The following USP5 variants were observed in gnomAD, a reference collection of about 807,000 sequenced individuals.
USP5 encodes the protein ubiquitin carboxyl-terminal hydrolase 5.
Under a neutral mutation model 102.5 loss-of-function variants are expected in USP5, and 24 were observed. That is an observed-to-expected ratio of 0.23 (90% CI 0.17 to 0.33). USP5 has a LOEUF of 0.33. Among genes scored for constraint, USP5 ranks in the 10% least tolerant of loss-of-function variants. The pLI is 1.00. For synonymous variants in USP5, 460 were observed against 434.8 expected (o/e 1.06, Z -0.72); for missense variants, 753 against 1,122.1 (o/e 0.67, Z 4.70).
At chr12:6,859,206 T>C (rs139973208) in intron 8 of USP5, among the ~76,000 whole-genome samples, 1 of 152,308 alleles carries the variant, frequency 6.6e-6, no homozygotes, top group East Asian at 1.9e-4. Context: ...TTCTGTCCAA[T>C]AGAACGTGAA....
At chr12:6,853,998 C>T (rs1365499441) in intron 1 of USP5, among the ~76,000 whole-genome samples, 1 of 152,186 alleles carries the variant, frequency 6.6e-6, no homozygotes, top group African/African-American at 2.4e-5. Flanking sequence ...TTGCTCAAAG[C>T]CTTGGATCTG....
chr12:6,861,655 T>C lies in USP5; in HGVS notation c.1673+38T>C. The C allele has an allele frequency of 2.7e-6, 4 of 1,475,328 alleles. 1 individual carries two copies. In the South Asian group the frequency reaches 5.4e-5, roughly 20 times the overall value. The allele number at this position is 1,475,328 out of a possible 1,614,324, so 91.4% of individuals were successfully genotyped here. A position where few individuals can be genotyped will look rare whatever the true frequency, so the allele number is the denominator to read the frequency against. On this transcript the variant is annotated intron_variant, in intron 13 of 19. Transcript: ENST00000229268. The surrounding 1 kb of genome is among the most constrained non-coding windows in gnomAD (Gnocchi z 4.9). ...GTCGGGGCCTGAGGCTGTGGGTCTA[T>C]GGCAGAGCTATCCCAGAGGATACTT...
chr12:6,854,757 AAAT>A (rs1173325928), intron 1 of USP5, among the ~76,000 whole-genome samples: 8 of 151,758 alleles, frequency 5.3e-5, no homozygotes, highest in African/African-American at 1.9e-4. Context: ...AGTGTCTCTA[AAAT>A]AAAATTTTTT....
intron 1 of USP5, 77 bp downstream of exon 1, chr12:6,852,367 C>T (rs1555127091): frequency 6.4e-6 from 9 of 1,412,300 alleles, no homozygotes; most frequent in Non-Finnish European, 8.8e-6. Context: ...GCCTGCAAGG[C>T]TTGGGCTACC....
rs1343583120 is a variant in USP5, at chr12:6,864,613, C to T, written c.2245-109C>T. The stretch of plus-strand genomic sequence containing the variant: ...CTGAGGCAGGAGAAAGGCGTGAACC[C>T]GGGAGGCGGAGCTTGCAGTGAGCCG... On this transcript the variant is annotated intron_variant, in intron 17 of 19. Coordinates refer to ENST00000229268, the MANE Select transcript of USP5 (RefSeq NM_001098536.2). The surrounding 1 kb of genome is among the most constrained non-coding windows in gnomAD (Gnocchi z 4.8). 24 of 1,273,316 alleles carry T rather than the reference C, an allele frequency of 1.9e-5. No homozygotes were observed. In the East Asian group the frequency reaches 3.9e-4, roughly 21 times the overall value. 78.9% of individuals were successfully genotyped at this position (1,273,316 alleles called of 1,614,324 possible).
intron 18 of USP5, 66 bp from the exon 19 acceptor site, chr12:6,865,098 T>C: frequency 1.4e-6 from 2 of 1,450,276 alleles, no homozygotes; most frequent in African/African-American, 1.4e-5. Context: ...GTTGTCTGGA[T>C]CTTTGGGCCA....
At chr12:6,854,276 G>A (rs1445603288) in intron 1 of USP5, among the ~76,000 whole-genome samples, 2 of 152,192 alleles carry the variant, frequency 1.3e-5, no homozygotes, top group African/African-American at 4.8e-5. Context: ...TCGGAGGGGA[G>A]GCAGAGGAGA....
Position 6,858,196 on chromosome 12 carries a change from A to T in USP5, c.865-228A>T, listed in dbSNP as rs1752356519. Among the ~76,000 whole-genome samples the T allele has an allele frequency of 6.6e-6, 1 of 152,212 alleles. No individual in the cohort carries two copies. The highest frequency in any genetic ancestry group is 6.5e-5 in the Admixed American group (1 of 15,284). On this transcript the variant is annotated intron_variant, in intron 7 of 19. Transcript: ENST00000229268. This position sits in a 1 kb window ranked among gnomAD's most constrained non-coding sequence, Gnocchi z 4.2. ...AACATTTCAGGTAGAAGGAAATTTTATTCCTCATTCAAGCAGAGGCCCTGA... is the reference window on the plus strand; with the variant it reads ...AACATTTCAGGTAGAAGGAAATTTTTTTCCTCATTCAAGCAGAGGCCCTGA...
chr12:6,864,729 G>T lies in USP5; in HGVS notation c.2252G>T (p.Ser751Ile). The T allele has an allele frequency of 6.2e-7, 1 of 1,609,402 alleles. No individual in the cohort carries two copies. Among genetic ancestry groups the T allele is most frequent in the Non-Finnish European group, 8.5e-7 (1 of 1,179,914 alleles). ...ALKALRATNN[S>I]LERAVDWIFS... ...GCTTCCTTCCTCTCCAAGAACAATA[G>T]TTTAGAACGGGCTGTGGACTGGATC... The change falls in exon 18 of 20, where the codon AGT (serine) becomes ATT (isoleucine). Residue 751 changes from serine (S) to isoleucine (I), a missense_variant. Physicochemically the swap from Ser to Ile is moderately radical, Grantham distance 142. Around this residue, in one of 3 missense-constraint regions of USP5, gnomAD observed 193 missense variants for 230.2 expected, o/e 0.84. Transcript: ENST00000229268. This position sits in a 1 kb window ranked among gnomAD's most constrained non-coding sequence, Gnocchi z 4.8.
rs1555130214 is a variant in USP5 at position 6,864,162 on chromosome 12, C to T, written c.2211C>T (p.Ser737=). ...CVTTIVSMGF[S]RDQALKALRA... is the part of the protein sequence containing the mutation. ...CCACCATTGTCTCCATGGGCTTCTC[C>T]CGGGACCAGGCCTTGAAAGCGCTGC... Residue 737 remains serine (S), a synonymous_variant, in exon 17 of 20, where the codon TCC becomes TCT. Coordinates refer to ENST00000229268, the MANE Select transcript of USP5 (RefSeq NM_001098536.2). The surrounding 1 kb of genome is among the most constrained non-coding windows in gnomAD (Gnocchi z 4.8). 1 of 1,613,256 alleles carries T rather than the reference C, an allele frequency of 6.2e-7. No individual in the cohort carries two copies. Among genetic ancestry groups the T allele is most frequent in the Admixed American group, 1.7e-5 (1 of 59,910 alleles).
rs782071221 is a variant in USP5 at position 6,855,256 on chromosome 12, A to G, written c.112-145A>G. On this transcript the variant is annotated intron_variant, in intron 1 of 19. Transcript: ENST00000229268. The surrounding 1 kb of genome is among the most constrained non-coding windows in gnomAD (Gnocchi z 4.6). The stretch of plus-strand genomic sequence containing the variant: ...GCTATGTCCCAGGTCCTAAAAGGCT[A>G]AATAACTTGCCAAGGGCCACACAGT... 3.6e-6 allele frequency: 4 copies of G among 1,117,696 alleles called. No homozygotes were observed. Among genetic ancestry groups the G allele is most frequent in the South Asian group, 3.2e-5 (2 of 62,636 alleles). 69.2% of individuals were successfully genotyped at this position (1,117,696 alleles called of 1,614,324 possible). A position where few individuals can be genotyped will look rare whatever the true frequency, so the allele number is the denominator to read the frequency against.
intron 19 of USP5, among the ~76,000 whole-genome samples, chr12:6,865,778 G>A (rs1200089171): frequency 2.0e-5 from 3 of 152,200 alleles, no homozygotes; most frequent in African/African-American, 7.2e-5. Flanking sequence ...GGTTGTAAAG[G>A]TACTGGAGGA....
chr12:6,859,365 C>G (rs1944207411), intron 8 of USP5, 105 bp from the exon 9 acceptor site: 3 of 1,176,596 alleles, frequency 2.5e-6, no homozygotes, highest in African/African-American at 3.0e-5. Context: ...CAACTCCCCA[C>G]TCTTGAGGGG....
At position 6,856,244 on chromosome 12, in the gene USP5, G is replaced by A. The variant is rs115270213; in HGVS notation, c.439-61G>A. 1,498 of 1,604,804 alleles carry A rather than the reference G, an allele frequency of 9.3e-4. 5 individuals are homozygous for A. Among genetic ancestry groups the A allele is most frequent in the African/African-American group, 7.7e-3 (577 of 74,878 alleles). On this transcript the variant is annotated intron_variant, in intron 4 of 19. Transcript: ENST00000229268. This position sits in a 1 kb window ranked among gnomAD's most constrained non-coding sequence, Gnocchi z 5.6. Reference sequence around the variant, plus strand: ...AGCACTGACAAAGCTGAAGGCCAAGGGGAAGAGGGGCATGTGGGGCAGGGG... The same window carrying A: ...AGCACTGACAAAGCTGAAGGCCAAGAGGAAGAGGGGCATGTGGGGCAGGGG...
Position 6,864,020 on chromosome 12 carries a change from C to A in USP5, c.2099-30C>A. ...GGTGGGGCAGGGCCTCCATCCTCCC[C>A]CAAACACATCAACCCCTTCACATCC... On this transcript the variant is annotated intron_variant, in intron 16 of 19. Transcript: ENST00000229268. This position sits in a 1 kb window ranked among gnomAD's most constrained non-coding sequence, Gnocchi z 4.8. The A allele has an allele frequency of 1.9e-6, 3 of 1,585,422 alleles. No homozygotes were observed. The Admixed American group carries it at 5.2e-5, about 27-fold the overall frequency.
Position 6,864,896 on chromosome 12 carries a change from G to C in USP5, c.2398+21G>C, listed in dbSNP as rs782783252. ...TGGAAGTGAGTATCCCCAGGAAGCA[G>C]GACAGGCCTGGTGGAATCTGGTCAG... On this transcript the variant is annotated intron_variant, in intron 18 of 19. Transcript: ENST00000229268. The surrounding 1 kb of genome is among the most constrained non-coding windows in gnomAD (Gnocchi z 4.8). The C allele has an allele frequency of 6.2e-7, 1 of 1,608,566 alleles. No individual in the cohort carries two copies. The highest frequency in any genetic ancestry group is 2.2e-5 in the East Asian group (1 of 44,782).
rs1555129494 is a variant in USP5, at chr12:6,861,368, G to A, written c.1499-75G>A. The A allele has an allele frequency of 6.8e-6, 10 of 1,476,070 alleles. No homozygotes were observed. Among genetic ancestry groups the A allele is most frequent in the Non-Finnish European group, 9.1e-7 (1 of 1,096,960 alleles). The allele number at this position is 1,476,070 out of a possible 1,614,324, so 91.4% of individuals were successfully genotyped here. A position where few individuals can be genotyped will look rare whatever the true frequency, so the allele number is the denominator to read the frequency against. ...GTAGAGGAACTGAAATACGGACACA[G>A]AGCCAGTAGGGAGAGGCTAAGGAGG... On this transcript the variant is annotated intron_variant, in intron 12 of 19. Transcript: ENST00000229268. The surrounding 1 kb of genome is among the most constrained non-coding windows in gnomAD (Gnocchi z 4.9).
Position 6,863,407 on chromosome 12 carries a change from C to G in USP5, c.1954+30C>G. The G allele has an allele frequency of 6.2e-7, 1 of 1,601,426 alleles. No individual in the cohort carries two copies. The highest frequency in any genetic ancestry group is 8.5e-7 in the Non-Finnish European group (1 of 1,171,974). On this transcript the variant is annotated intron_variant, in intron 15 of 19. Coordinates refer to ENST00000229268, the MANE Select transcript of USP5 (RefSeq NM_001098536.2). The surrounding 1 kb of genome is among the most constrained non-coding windows in gnomAD (Gnocchi z 4.7). ...GTGACTCTTCTTCCTGCCTGTCTCT[C>G]TCCCGTGCTGATGGGGGCCTCTCTG...
chr12:6,865,306 A>ATT, intron 19 of USP5, 58 bp downstream of exon 19: 1 of 1,495,936 alleles, frequency 6.7e-7, no homozygotes, highest in Non-Finnish European at 9.3e-7. Context: ...GAGGAGGGCC[A>ATT]TTTGGAAGTC....
Sources: allele counts gnomAD v4.1 joint callset (sites outside exome capture counted in the v4.1 genomes callset), GRCh38; gene constraint gnomAD v4.1.1; regional missense constraint gnomAD v4.1.1; non-coding constraint Gnocchi (gnomAD v3.1); transcripts MANE v1.5; gene names NCBI Gene and HGNC (gene_info 2026-07-23, HGNC 2026-07-21).